Variants in FHOD1 observed in about 807,000 individuals in gnomAD.
FHOD1 encodes the protein formin homology 2 domain containing 1, also known as FH1/FH2 domain-containing protein 1.
FHOD1 carries 89 observed loss-of-function variants against 111.6 expected under a neutral mutation model. The observed-to-expected ratio is 0.80, with a 90% CI of 0.67 to 0.95. FHOD1 has a LOEUF of 0.95. FHOD1 is among the 40% of genes least tolerant of loss of function. The probability of loss-of-function intolerance (pLI) is 0.00; values close to 1 mark genes in which losing one functional copy is unlikely to be tolerated. For missense variants in FHOD1, 1,446 were observed against 1,554.2 expected, an observed-to-expected ratio of 0.93 and a Z score of 1.17; for synonymous variants, 618 against 639.0, an observed-to-expected ratio of 0.97 and a Z score of 0.50.
chr16:67,244,207 A>G (rs989963848), intron 1 of FHOD1, among the ~76,000 whole-genome samples: 1 of 152,082 alleles, frequency 6.6e-6, no homozygotes, highest in African/African-American at 2.4e-5. Flanking sequence ...AGATCCCCCT[A>G]CCCGGAGCTC....
At chr16:67,245,781 G>T (rs960468224) in intron 1 of FHOD1, among the ~76,000 whole-genome samples, 5 of 151,870 alleles carry the variant, frequency 3.3e-5, no homozygotes, top group Admixed American at 3.3e-4. Context: ...GTCAGGGCTA[G>T]GTCCAATCCT....
chr16:67,238,875 C>T lies in FHOD1; in HGVS notation c.373+28G>A. ...ACTGGGCTATGGGGAGGAGGTGCTG[C>T]TGGACATGGATGCTCTCACACACTC... On this transcript the variant is annotated intron_variant, in intron 3 of 21. Coordinates refer to ENST00000258201, the MANE Select transcript of FHOD1 (RefSeq NM_013241.3). The surrounding 1 kb of genome is among the most constrained non-coding windows in gnomAD (Gnocchi z 4.2). The T allele has an allele frequency of 6.2e-7, 1 of 1,612,752 alleles. No individual in the cohort carries two copies. The highest frequency in any genetic ancestry group is 8.5e-7 in the Non-Finnish European group (1 of 1,178,706).
chr16:67,241,646 AAGAC>A (rs1026541043), intron 1 of FHOD1, among the ~76,000 whole-genome samples: 6 of 152,234 alleles, frequency 3.9e-5, no homozygotes, highest in Non-Finnish European at 7.3e-5. Flanking sequence ...GGCAGACGGG[AAGAC>A]AGACAGACGA....
intron 1 of FHOD1, among the ~76,000 whole-genome samples, chr16:67,241,703 C>G (rs1196959825): frequency 6.6e-6 from 1 of 152,182 alleles, no homozygotes; most frequent in Non-Finnish European, 1.5e-5. Flanking sequence ...ACAACTTTCA[C>G]AGTGCTAAGA....
At chr16:67,233,585 A>G in intron 13 of FHOD1, 72 bp downstream of exon 13, 1 of 1,497,612 alleles carries the variant, frequency 6.7e-7, no homozygotes, top group Non-Finnish European at 8.9e-7. Flanking sequence ...GACTAGCTCC[A>G]ACAGGTCAGA....
At chr16:67,233,120 C>T (rs2034341177) in intron 13 of FHOD1, among the ~76,000 whole-genome samples, 1 of 151,314 alleles carries the variant, frequency 6.6e-6, no homozygotes, top group South Asian at 2.1e-4. Flanking sequence ...AAGTCTTGCT[C>T]TTGTCCCCCA....
Position 67,237,119 on chromosome 16 carries a change from CA to C in FHOD1, c.994-6del. On this transcript the variant is annotated splice_region_variant and splice_polypyrimidine_tract_variant and intron_variant, in intron 9 of 21. Transcript: ENST00000258201. The surrounding 1 kb of genome is among the most constrained non-coding windows in gnomAD (Gnocchi z 5.6). ...ATCCTCCAATTTCAGGGCGTTCTAGCAGAGGCGGACCAGGATGTAAGAAAGT... is the reference window on the plus strand; with the variant it reads ...ATCCTCCAATTTCAGGGCGTTCTAGCGAGGCGGACCAGGATGTAAGAAAGT... The C allele has an allele frequency of 6.2e-7, 1 of 1,608,432 alleles. No homozygotes were observed. Among genetic ancestry groups the C allele is most frequent in the Non-Finnish European group, 8.5e-7 (1 of 1,177,302 alleles).
chr16:67,240,264 C>A (rs1328330190), intron 1 of FHOD1, among the ~76,000 whole-genome samples: 3 of 152,188 alleles, frequency 2.0e-5, no homozygotes, highest in Non-Finnish European at 2.9e-5. Context: ...TGGTGGCTCA[C>A]GCCTGTAATC....
At chr16:67,247,043 G>A in intron 1 of FHOD1, 167 bp downstream of exon 1, 5 of 736,364 alleles carry the variant, frequency 6.8e-6, no homozygotes, top group Non-Finnish European at 1.0e-5. Flanking sequence ...CAACTTGAGA[G>A]GGGACTCCCC....
chr16:67,238,978 G>A lies in FHOD1; in HGVS notation c.309-11C>T. 1 of 1,614,020 alleles carries A rather than the reference G, an allele frequency of 6.2e-7. No homozygotes were observed. Among genetic ancestry groups the A allele is most frequent in the Non-Finnish European group, 8.5e-7 (1 of 1,179,888 alleles). The stretch of plus-strand genomic sequence containing the variant: ...GGCTTCCGCCCTTTGCTGGAATCAA[G>A]GATCTCTGTTAGCAGCTCCCAGCCT... On this transcript the variant is annotated splice_polypyrimidine_tract_variant and intron_variant, in intron 2 of 21. Transcript: ENST00000258201. The surrounding 1 kb of genome is among the most constrained non-coding windows in gnomAD (Gnocchi z 4.2).
At position 67,231,586 on chromosome 16, in the gene FHOD1, T is replaced by A; in HGVS notation, c.2386-37A>T. The A allele has an allele frequency of 6.2e-7, 1 of 1,614,116 alleles. No individual in the cohort carries two copies. Among genetic ancestry groups the A allele is most frequent in the Non-Finnish European group, 8.5e-7 (1 of 1,180,024 alleles). On this transcript the variant is annotated intron_variant, in intron 15 of 21. Coordinates refer to ENST00000258201, the MANE Select transcript of FHOD1 (RefSeq NM_013241.3). The surrounding 1 kb of genome is among the most constrained non-coding windows in gnomAD (Gnocchi z 4.3). ...GACCAGGGACTCTCAGACTACATGG[T>A]CATGATGCTTACCTGTCCCTACTGA...
Position 67,233,976 on chromosome 16 carries a change from A to G in FHOD1, c.1727T>C (p.Leu576Pro). 3.4e-5 allele frequency: 55 copies of G among 1,602,232 alleles called. No homozygotes were observed. Among genetic ancestry groups the G allele is most frequent in the Non-Finnish European group, 4.5e-5 (53 of 1,175,406 alleles). Residue 576 changes from leucine to proline, a missense_variant, in exon 13 of 22, where the codon CTG becomes CCG. Around this residue, in one of 3 missense-constraint regions of FHOD1, gnomAD observed 1,085 missense variants for 1,108.8 expected, o/e 0.98. Transcript: ENST00000258201. ...GKDIPAPSPPLPLLSGVPPPP... is the reference protein window; with the variant it reads ...GKDIPAPSPPPPLLSGVPPPP... ...GGGGGGTACTCCCGAGAGCAGGGGC[A>G]GTGGGGGTGAGGGAGCTGGGATGTC... is the stretch of plus-strand genomic sequence containing the variant.
intron 11 of FHOD1, 119 bp downstream of exon 11, chr16:67,236,438 G>T (rs1221334009): frequency 6.6e-7 from 1 of 1,505,690 alleles, no homozygotes; most frequent in Non-Finnish European, 8.9e-7. Flanking sequence ...GTGAAGTCTG[G>T]AAAGAGAGAG....
chr16:67,237,657 C>T lies in FHOD1; in HGVS notation c.754G>A (p.Gly252Ser), dbSNP rs755374138. 1.1e-5 allele frequency: 17 copies of T among 1,613,892 alleles called. No homozygotes were observed. The highest frequency in any genetic ancestry group is 2.2e-5 in the South Asian group (2 of 91,088). ...RAVNSVASTT[G>S]APPWANLVSI... ...GGGGGAGAAAGGGACAGTCTCTGAC[C>T]GGTGGTGCTGGCCACAGAGTTCACT... The change falls in exon 7 of 22, where the codon GGT becomes AGT. Residue 252 changes from glycine to serine, a missense_variant and splice_region_variant. By Grantham distance (56) the Gly-to-Ser change is moderately conservative (BLOSUM62 0). Around this residue, in one of 3 missense-constraint regions of FHOD1, gnomAD observed 234 missense variants for 327.4 expected, o/e 0.71. Coordinates refer to ENST00000258201, the MANE Select transcript of FHOD1 (RefSeq NM_013241.3). This position sits in a 1 kb window ranked among gnomAD's most constrained non-coding sequence, Gnocchi z 5.6.
Position 67,237,036 on chromosome 16 carries a change from A to C in FHOD1, c.1072T>G (p.Ser358Ala), listed in dbSNP as rs1268126911. 5 of 1,613,132 alleles carry C rather than the reference A, an allele frequency of 3.1e-6. No homozygotes were observed. In the East Asian group the frequency reaches 6.7e-5, roughly 22 times the overall value. Residue 358 changes from serine (S) to alanine (A), a missense_variant, in exon 10 of 22, where the codon TCT (serine) becomes GCT (alanine). By Grantham distance (99) the Ser-to-Ala change is moderately conservative. This residue lies in a region of FHOD1 where 1,085 missense variants were observed against 1,108.8 expected (regional missense o/e 0.98). Transcript: ENST00000258201. The surrounding 1 kb of genome is among the most constrained non-coding windows in gnomAD (Gnocchi z 5.6). ...GGRRERRKPS[S>A]EEGKRSRRSL... ...CGGCGGCTCCTCTTGCCCTCCTCAG[A>C]AGAAGGCTTTCGTCGTTCCCGCCGC...
Position 67,237,735 on chromosome 16 carries a change from G to C in FHOD1, c.676C>G (p.Leu226Val). The C allele has an allele frequency of 6.2e-7, 1 of 1,614,208 alleles. No individual in the cohort carries two copies. ...RLVVKTALKL[L>V]LVFVEYSENN... ...TCGGAGTATTCTACAAACACCAACAGCAGCTTCAGGGCTGTCTTCACCACC... is the reference window on the plus strand; with the variant it reads ...TCGGAGTATTCTACAAACACCAACACCAGCTTCAGGGCTGTCTTCACCACC... The change falls in exon 7 of 22, where the codon CTG (leucine) becomes GTG (valine). Residue 226 changes from leucine (L) to valine (V), a missense_variant. Leu to Val is a conservative substitution (Grantham distance 32). This residue lies in a region of FHOD1 where 234 missense variants were observed against 327.4 expected (regional missense o/e 0.71). Coordinates refer to ENST00000258201, the MANE Select transcript of FHOD1 (RefSeq NM_013241.3). This position sits in a 1 kb window ranked among gnomAD's most constrained non-coding sequence, Gnocchi z 5.6.
intron 13 of FHOD1, 122 bp downstream of exon 13, chr16:67,233,535 C>T (rs2034355943): frequency 7.3e-6 from 10 of 1,362,024 alleles, no homozygotes; most frequent in Non-Finnish European, 9.8e-6. Flanking sequence ...CAATTTCCTA[C>T]TCCTTTCTTT....
intron 1 of FHOD1, among the ~76,000 whole-genome samples, chr16:67,242,258 T>G (rs1044629090): frequency 6.6e-6 from 1 of 152,206 alleles, no homozygotes; most frequent in African/African-American, 2.4e-5. Flanking sequence ...TGTGAGCCAC[T>G]GTGCCCGGCC....
Position 67,237,643 on chromosome 16 carries a change from G to C in FHOD1, c.754+14C>G. ...GGCTCTGAGCGGTGGGGGGAGAAAG[G>C]GACAGTCTCTGACCGGTGGTGCTGG... On this transcript the variant is annotated intron_variant, in intron 7 of 21. Transcript: ENST00000258201. The surrounding 1 kb of genome is among the most constrained non-coding windows in gnomAD (Gnocchi z 5.6). The C allele has an allele frequency of 6.2e-7, 1 of 1,613,662 alleles. No homozygotes were observed.
Sources: allele counts gnomAD v4.1 joint callset (sites outside exome capture counted in the v4.1 genomes callset), GRCh38; gene constraint gnomAD v4.1.1; regional missense constraint gnomAD v4.1.1; non-coding constraint Gnocchi (gnomAD v3.1); transcripts MANE v1.5; gene names NCBI Gene and HGNC (gene_info 2026-07-23, HGNC 2026-07-21).